Variants in SLC2A13 observed in about 807,000 individuals in gnomAD.
SLC2A13 encodes solute carrier family 2 member 13, also known as proton myo-inositol cotransporter.
SLC2A13 carries 32 observed loss-of-function variants against 64.4 expected under a neutral mutation model. That is an observed-to-expected ratio of 0.50 (90% confidence interval 0.37 to 0.67). SLC2A13 has a LOEUF of 0.67. Among genes scored for constraint, SLC2A13 ranks in the 30% least tolerant of loss-of-function variants. The pLI is 0.00. For missense variants in SLC2A13, 743 were observed against 829.2 expected (o/e 0.90, Z 1.28); for synonymous variants, 338 against 327.1 (o/e 1.03, Z -0.36).
At chr12:39,813,194 T>A (rs1942243042) in intron 7 of SLC2A13, among the ~76,000 whole-genome samples, 1 of 151,780 alleles carries the variant, frequency 6.6e-6, no homozygotes, top group African/African-American at 2.4e-5. Flanking sequence ...TTGGATTAAT[T>A]AGATATTTTT....
chr12:39,786,141 G>C (rs1941176783), intron 7 of SLC2A13, among the ~76,000 whole-genome samples: 1 of 152,078 alleles, frequency 6.6e-6, no homozygotes. Context: ...GATGTGCTTT[G>C]GCTTTGTCCC....
At chr12:40,098,219 C>T (rs1939028514) in intron 1 of SLC2A13, among the ~76,000 whole-genome samples, 1 of 152,034 alleles carries the variant, frequency 6.6e-6, no homozygotes, top group Non-Finnish European at 1.5e-5. Flanking sequence ...CCATGATGAA[C>T]CTCAAGTGAA....
intron 3 of SLC2A13, among the ~76,000 whole-genome samples, chr12:39,966,136 T>TAGAGAG (rs200384085): frequency 6.8e-6 from 1 of 147,760 alleles, no homozygotes; most frequent in Non-Finnish European, 1.5e-5. Context: ...TATATATATA[T>TAGAGAG]ATAGAGAGAG....
At chr12:39,996,296 G>T (rs1259239217) in intron 3 of SLC2A13, among the ~76,000 whole-genome samples, 1 of 152,186 alleles carries the variant, frequency 6.6e-6, no homozygotes, top group African/African-American at 2.4e-5. Flanking sequence ...TTTCTAAGCA[G>T]CAAAGCATTC....
At chr12:39,914,650 C>G (rs1015615252) in intron 4 of SLC2A13, among the ~76,000 whole-genome samples, 1 of 151,852 alleles carries the variant, frequency 6.6e-6, no homozygotes, top group African/African-American at 2.4e-5. Context: ...ACTGCAATTA[C>G]TTTTGCACCA....
intron 7 of SLC2A13, among the ~76,000 whole-genome samples, chr12:39,793,344 A>C (rs1592143001): frequency 6.6e-6 from 1 of 152,288 alleles, no homozygotes; most frequent in South Asian, 2.1e-4. Flanking sequence ...GACTAAATAA[A>C]TGCAGAGATG....
At chr12:40,048,008 A>G (rs190972400) in intron 2 of SLC2A13, 43 bp downstream of exon 2, 1 of 1,539,970 alleles carries the variant, frequency 6.5e-7, no homozygotes, top group East Asian at 2.3e-5. Flanking sequence ...CCCTTCCCCA[A>G]AATCAAGATT....
At chr12:39,928,621 A>T (rs1945768773) in intron 4 of SLC2A13, among the ~76,000 whole-genome samples, 1 of 152,220 alleles carries the variant, frequency 6.6e-6, no homozygotes, top group South Asian at 2.1e-4. Context: ...AGATTTTTAA[A>T]TGGCTTATGA....
At chr12:40,000,297 A>G (rs1947301572) in intron 3 of SLC2A13, among the ~76,000 whole-genome samples, 2 of 148,954 alleles carry the variant, frequency 1.3e-5, no homozygotes, top group South Asian at 4.3e-4. Flanking sequence ...GCTCTACATT[A>G]AAAAACAACA....
chr12:39,955,838 C>T (rs1224458400), intron 3 of SLC2A13, among the ~76,000 whole-genome samples: 2 of 152,008 alleles, frequency 1.3e-5, no homozygotes, highest in Non-Finnish European at 2.9e-5. Context: ...CCCCCAGAAG[C>T]TGGAAAAAGG....
chr12:39,995,755 G>A (rs933886575), intron 3 of SLC2A13, among the ~76,000 whole-genome samples: 1 of 152,140 alleles, frequency 6.6e-6, no homozygotes, highest in Non-Finnish European at 1.5e-5. Flanking sequence ...ATCATGGGGG[G>A]CAGGTATTTT....
chr12:39,896,274 GTATACATGTATGTATATGTGTGTATA>G (rs1944855797), intron 4 of SLC2A13, among the ~76,000 whole-genome samples: 1 of 118,346 alleles, frequency 8.4e-6, no homozygotes, highest in South Asian at 2.8e-4. Context: ...GTGTATATAT[GTATACATGTATGTATATGTGTGTATA>G]TATGTATACA....
At chr12:40,070,335 T>C (rs1228271327) in intron 1 of SLC2A13, among the ~76,000 whole-genome samples, 54 of 152,092 alleles carry the variant, frequency 3.6e-4, no homozygotes, top group Non-Finnish European at 7.4e-5. Context: ...GGAATGCAAA[T>C]AACTGCTTTG....
chr12:40,048,588 A>C (rs1948204461), intron 1 of SLC2A13, among the ~76,000 whole-genome samples: 2 of 152,200 alleles, frequency 1.3e-5, no homozygotes, highest in African/African-American at 4.8e-5. Flanking sequence ...GTAATCAGAC[A>C]ATAGTGAGAA....
chr12:39,944,787 G>C (rs7959570), intron 4 of SLC2A13, among the ~76,000 whole-genome samples: 148,645 of 152,318 alleles, frequency 0.98, 72,640 homozygotes, highest in Middle Eastern at 1. Flanking sequence ...GAGTTCTTAT[G>C]CATTCTGCAG....
At chr12:39,833,015 G>A (rs1049740914) in intron 6 of SLC2A13, among the ~76,000 whole-genome samples, 3 of 151,930 alleles carry the variant, frequency 2.0e-5, no homozygotes, top group African/African-American at 7.3e-5. Context: ...AAGTTTCTTA[G>A]CCCCCTGATT....
chr12:39,823,601 TAGC>T (rs1942583650), intron 7 of SLC2A13, among the ~76,000 whole-genome samples: 1 of 149,444 alleles, frequency 6.7e-6, no homozygotes, highest in African/African-American at 2.4e-5. Context: ...TAATAATCTT[TAGC>T]CAGGATGATG....
intron 4 of SLC2A13, among the ~76,000 whole-genome samples, chr12:39,904,552 C>T (rs1199226966): frequency 6.6e-6 from 1 of 152,048 alleles, no homozygotes; most frequent in Non-Finnish European, 1.5e-5. Context: ...ATGCCAACTG[C>T]CACTTGCCAC....
intron 7 of SLC2A13, among the ~76,000 whole-genome samples, chr12:39,778,429 G>T (rs1940855354): frequency 6.6e-6 from 1 of 152,040 alleles, no homozygotes; most frequent in South Asian, 2.1e-4. Context: ...TATTCTAGTT[G>T]TCACAAAGGC....
Sources: allele counts gnomAD v4.1 joint callset (sites outside exome capture counted in the v4.1 genomes callset), GRCh38; gene constraint gnomAD v4.1.1; transcripts MANE v1.5; gene names NCBI Gene and HGNC (gene_info 2026-07-23, HGNC 2026-07-21).